SV2B: variants seen among roughly 807,000 people sequenced by gnomAD.
SV2B encodes the protein synaptic vesicle glycoprotein 2B.
SV2B carries 41 observed loss-of-function variants against 73.9 expected under a neutral mutation model. The observed-to-expected ratio is 0.56, with a 90% CI of 0.43 to 0.72. SV2B has a LOEUF of 0.72. Ranked by LOEUF, SV2B falls within the 30% of genes least tolerant of loss-of-function variation. The pLI is 0.00. For synonymous variants in SV2B, 314 were observed against 314.2 expected (o/e 1.00, Z 0.01); for missense variants, 764 against 857.8 (o/e 0.89, Z 1.37).
rs918046832 is a variant in SV2B at position 91,122,803 on chromosome 15, A to G, written c.-392+22440A>G. On this transcript the variant is annotated intron_variant, in intron 1 of 12. Coordinates refer to ENST00000394232, the MANE Select transcript of SV2B (RefSeq NM_001323032.3). The surrounding 1 kb of genome is among the most constrained non-coding windows in gnomAD (Gnocchi z 4.3). Reference sequence around the variant, plus strand: ...CTCACTGATAAACGGAATCTAAAAAAGTTGAGCTCATCGAAGTAGAGAGTG... The same window carrying G: ...CTCACTGATAAACGGAATCTAAAAAGGTTGAGCTCATCGAAGTAGAGAGTG... 3.1e-4 allele frequency among the ~76,000 whole-genome samples: 47 copies of G among 152,218 alleles called. 1 individual carries two copies. Among genetic ancestry groups the G allele is most frequent in the Non-Finnish European group, 2.6e-4 (18 of 68,044 alleles).
Position 91,179,793 on chromosome 15 carries a change from C to T in SV2B, c.-391-46080C>T, listed in dbSNP as rs551779731. ...TTTTGAGCCTATGTGTGTCTCTGCC[C>T]GTGAGCTGGGTTTCCTGAATACAGC... On this transcript the variant is annotated intron_variant, in intron 1 of 12. Coordinates refer to ENST00000394232, the MANE Select transcript of SV2B (RefSeq NM_001323032.3). 3.2e-4 allele frequency among the ~76,000 whole-genome samples: 49 copies of T among 152,182 alleles called. No individual in the cohort carries two copies. In the South Asian group the frequency reaches 7.3e-3, roughly 23 times the overall value.
chr15:91,200,496 G>T (rs1207284720), intron 1 of SV2B, among the ~76,000 whole-genome samples: 3 of 152,230 alleles, frequency 2.0e-5, no homozygotes, highest in Non-Finnish European at 4.4e-5. Flanking sequence ...AAGAGTCTCA[G>T]TATGTCAATA....
chr15:91,288,716 C>T lies in SV2B; in HGVS notation c.1709-805C>T, dbSNP rs762625386. Among the ~76,000 whole-genome samples, 75 of 151,934 alleles carry T rather than the reference C, an allele frequency of 4.9e-4. No individual in the cohort carries two copies. The highest frequency in any genetic ancestry group is 5.9e-4 in the Non-Finnish European group (40 of 67,972). On this transcript the variant is annotated intron_variant, in intron 11 of 12. Transcript: ENST00000394232. The surrounding 1 kb of genome is among the most constrained non-coding windows in gnomAD (Gnocchi z 5.8). ...TTTTTTTGACAGTGTCTTGCTCTGT[C>T]ACCCAGGCTGGAGTACAGTGGCGCC...
chr15:91,252,636 C>T lies in SV2B; in HGVS notation c.784+116C>T, dbSNP rs371311192. ...ACTCACGCACAGTTCCCGTACGTGA[C>T]CTTGATCTTTCTTAACAACTTCTAA... On this transcript the variant is annotated intron_variant, in intron 4 of 12. Coordinates refer to ENST00000394232, the MANE Select transcript of SV2B (RefSeq NM_001323032.3). This position sits in a 1 kb window ranked among gnomAD's most constrained non-coding sequence, Gnocchi z 4.6. The T allele has an allele frequency of 1.2e-5, 13 of 1,108,340 alleles. No homozygotes were observed. The African/African-American group carries it at 1.6e-4, about 14-fold the overall frequency. The allele number at this position is 1,108,340 out of a possible 1,614,324, so 68.7% of individuals were successfully genotyped here. A position where few individuals can be genotyped will look rare whatever the true frequency, so the allele number is the denominator to read the frequency against.
rs548998948 is a variant in SV2B at position 91,245,333 on chromosome 15, T to C, written c.452-6486T>C. Among the ~76,000 whole-genome samples the C allele has an allele frequency of 2.6e-5, 4 of 152,364 alleles. No homozygotes were observed. The highest frequency in any genetic ancestry group is 6.5e-5 in the Admixed American group (1 of 15,310). ...AAAGACATATGCATAAAATATTCTTTGCTGAGTTGTTTATTAAGTGAAAAG... is the reference window on the plus strand; with the variant it reads ...AAAGACATATGCATAAAATATTCTTCGCTGAGTTGTTTATTAAGTGAAAAG... On this transcript the variant is annotated intron_variant, in intron 2 of 12. Transcript: ENST00000394232. This position sits in a 1 kb window ranked among gnomAD's most constrained non-coding sequence, Gnocchi z 4.2.
At chr15:91,262,763 G>A (rs2047955865) in intron 6 of SV2B, among the ~76,000 whole-genome samples, 1 of 152,206 alleles carries the variant, frequency 6.6e-6, no homozygotes, top group African/African-American at 2.4e-5. Context: ...AATGAAAGAT[G>A]TTAAGGGTCA....
chr15:91,184,880 G>A (rs552542333), intron 1 of SV2B, among the ~76,000 whole-genome samples: 2 of 152,266 alleles, frequency 1.3e-5, no homozygotes, highest in African/African-American at 2.4e-5. Flanking sequence ...ATGTACACAG[G>A]CAGATATACA....
At chr15:91,216,629 C>T (rs1005045253) in intron 1 of SV2B, among the ~76,000 whole-genome samples, 15 of 151,794 alleles carry the variant, frequency 9.9e-5, no homozygotes, top group East Asian at 1.9e-4. Flanking sequence ...TGTGCCACCA[C>T]GCCCAGCTAA....
intron 1 of SV2B, among the ~76,000 whole-genome samples, chr15:91,189,781 G>A (rs1336734306): frequency 1.3e-5 from 2 of 152,230 alleles, no homozygotes; most frequent in Non-Finnish European, 2.9e-5. Flanking sequence ...GAGGTCAGGA[G>A]ATCGAGACCG....
In SV2B at chr15:91,140,831, C is replaced by A. The variant is rs561242859; in HGVS notation, c.-392+40468C>A. On this transcript the variant is annotated intron_variant, in intron 1 of 12. Coordinates refer to ENST00000394232, the MANE Select transcript of SV2B (RefSeq NM_001323032.3). The surrounding 1 kb of genome is among the most constrained non-coding windows in gnomAD (Gnocchi z 4.4). Reference sequence around the variant, plus strand: ...TCTGTATTAAGGACAATAGGATGAGCCCCTGGTTGATTAGAGCCTTGCTGG... The same window carrying A: ...TCTGTATTAAGGACAATAGGATGAGACCCTGGTTGATTAGAGCCTTGCTGG... Among the ~76,000 whole-genome samples the A allele has an allele frequency of 4.6e-5, 7 of 152,128 alleles. No homozygotes were observed. The highest frequency in any genetic ancestry group is 1.7e-4 in the African/African-American group (7 of 41,504).
intron 1 of SV2B, among the ~76,000 whole-genome samples, chr15:91,116,531 A>G (rs1056738960): frequency 3.3e-5 from 5 of 152,190 alleles, no homozygotes; most frequent in Non-Finnish European, 7.4e-5. Context: ...TCACAATGAC[A>G]GGATTGTTTC....
At position 91,231,144 on chromosome 15, in the gene SV2B, T is replaced by C. The variant is rs2046558251; in HGVS notation, c.451+4430T>C. Reference sequence around the variant, plus strand: ...AAAAAAAATCACCCGAAGAAATGATTAAACTTAGGAAGCTCAGGGCTATGT... The same window carrying C: ...AAAAAAAATCACCCGAAGAAATGATCAAACTTAGGAAGCTCAGGGCTATGT... On this transcript the variant is annotated intron_variant, in intron 2 of 12. Coordinates refer to ENST00000394232, the MANE Select transcript of SV2B (RefSeq NM_001323032.3). This position sits in a 1 kb window ranked among gnomAD's most constrained non-coding sequence, Gnocchi z 4.5. Among the ~76,000 whole-genome samples, 1 of 152,190 alleles carries C rather than the reference T, an allele frequency of 6.6e-6. No individual in the cohort carries two copies. Among genetic ancestry groups the C allele is most frequent in the Non-Finnish European group, 1.5e-5 (1 of 68,036 alleles).
chr15:91,153,066 A>C (rs2141223241), intron 1 of SV2B, among the ~76,000 whole-genome samples: 1 of 152,214 alleles, frequency 6.6e-6, no homozygotes, highest in South Asian at 2.1e-4. Context: ...CTCTGCCCTG[A>C]CATGCAGAAG....
At chr15:91,108,342 G>T (rs2041946706) in intron 1 of SV2B, among the ~76,000 whole-genome samples, 1 of 152,150 alleles carries the variant, frequency 6.6e-6, no homozygotes. Context: ...GTTCAGTTCT[G>T]CAGTGTCGCA....
intron 1 of SV2B, among the ~76,000 whole-genome samples, chr15:91,200,901 T>G (rs1328651763): frequency 1.3e-5 from 2 of 152,146 alleles, no homozygotes; most frequent in African/African-American, 4.8e-5. Context: ...ATGGAGAACC[T>G]GTCTCTGAAA....
In SV2B at chr15:91,265,244, C is replaced by T. The variant is rs888399878; in HGVS notation, c.1009-1338C>T. Reference sequence around the variant, plus strand: ...CCATGCCGTGAGCTCTAGGTTTTACCAGCCCTGTTGGCTGCCTCACAAACT... The same window carrying T: ...CCATGCCGTGAGCTCTAGGTTTTACTAGCCCTGTTGGCTGCCTCACAAACT... On this transcript the variant is annotated intron_variant, in intron 6 of 12. Coordinates refer to ENST00000394232, the MANE Select transcript of SV2B (RefSeq NM_001323032.3). The surrounding 1 kb of genome is among the most constrained non-coding windows in gnomAD (Gnocchi z 4.2). Among the ~76,000 whole-genome samples the T allele has an allele frequency of 6.6e-6, 1 of 152,184 alleles. No individual in the cohort carries two copies. The highest frequency in any genetic ancestry group is 2.4e-5 in the African/African-American group (1 of 41,440).
intron 1 of SV2B, among the ~76,000 whole-genome samples, chr15:91,109,633 C>A (rs1453817966): frequency 6.6e-6 from 1 of 152,122 alleles, no homozygotes; most frequent in Non-Finnish European, 1.5e-5. Flanking sequence ...ATGCTCAAGT[C>A]AATGAAGACC....
chr15:91,164,318 C>T (rs1039939138), intron 1 of SV2B, among the ~76,000 whole-genome samples: 1 of 152,176 alleles, frequency 6.6e-6, no homozygotes, highest in Non-Finnish European at 1.5e-5. Flanking sequence ...AAGAACAAAG[C>T]AGGAGGCATC....
Position 91,139,890 on chromosome 15 carries a change from A to G in SV2B, c.-392+39527A>G, listed in dbSNP as rs896272331. Among the ~76,000 whole-genome samples, 1 of 152,210 alleles carries G rather than the reference A, an allele frequency of 6.6e-6. No individual in the cohort carries two copies. Among genetic ancestry groups the G allele is most frequent in the East Asian group, 1.9e-4 (1 of 5,208 alleles). On this transcript the variant is annotated intron_variant, in intron 1 of 12. Transcript: ENST00000394232. The surrounding 1 kb of genome is among the most constrained non-coding windows in gnomAD (Gnocchi z 5.2). Reference sequence around the variant, plus strand: ...CCCTCTGGTAGCCAAGGAAGGGAGGAAGATCCGGCCACTTTGTTCCTAGAG... The same window carrying G: ...CCCTCTGGTAGCCAAGGAAGGGAGGGAGATCCGGCCACTTTGTTCCTAGAG...
Sources: gnomAD v4.1 joint callset for allele counts (sites outside exome capture counted in the v4.1 genomes callset) on GRCh38, gnomAD v4.1.1 for gene constraint, Gnocchi (gnomAD v3.1) non-coding constraint, MANE v1.5 for transcripts, NCBI Gene and HGNC (gene_info 2026-07-23, HGNC 2026-07-21) for gene names.